Variants in AK8 observed in about 807,000 individuals in gnomAD.
The protein encoded by AK8 is ATP-AMP transphosphorylase 8.
In AK8, 44 loss-of-function variants were observed where a neutral mutation model predicts 54.6. The observed-to-expected ratio is 0.81, with a 90% CI of 0.63 to 1.04. The LOEUF is 1.04. Ranked by LOEUF, AK8 falls within the 50% of genes least tolerant of loss-of-function variation. The probability of loss-of-function intolerance (pLI) is 0.00; values close to 1 mark genes in which losing one functional copy is unlikely to be tolerated. For missense variants in AK8, 555 were observed against 613.6 expected, an observed-to-expected ratio of 0.90 and a Z score of 1.01; for synonymous variants, 239 against 245.6, an observed-to-expected ratio of 0.97 and a Z score of 0.25.
At chr9:132,768,054 G>T (rs1443360981) in intron 11 of AK8, among the ~76,000 whole-genome samples, 1 of 152,046 alleles carries the variant, frequency 6.6e-6, no homozygotes, top group African/African-American at 2.4e-5. Context: ...GGGGGACTAT[G>T]GTTAACAATA....
intron 1 of AK8, 82 bp from the exon 2 acceptor site, chr9:132,875,281 T>C (rs1844044168): frequency 1.0e-5 from 16 of 1,560,962 alleles, no homozygotes; most frequent in Non-Finnish European, 1.4e-5. Context: ...TGGGGCCTGC[T>C]CTCTCCACTG....
intron 5 of AK8, among the ~76,000 whole-genome samples, chr9:132,836,943 A>G (rs1463994915): frequency 6.6e-6 from 1 of 152,258 alleles, no homozygotes; most frequent in Admixed American, 6.5e-5. Context: ...GGCAGATAGC[A>G]GGTGCTTAAT....
At chr9:132,823,676 C>T (rs892642423) in intron 8 of AK8, among the ~76,000 whole-genome samples, 1 of 152,214 alleles carries the variant, frequency 6.6e-6, no homozygotes, top group African/African-American at 2.4e-5. Flanking sequence ...GGTCCCAGGA[C>T]ATGATAGCAC....
intron 11 of AK8, among the ~76,000 whole-genome samples, chr9:132,735,784 C>T (rs563578963): frequency 5.9e-5 from 9 of 152,276 alleles, no homozygotes; most frequent in African/African-American, 2.2e-4. Flanking sequence ...CAGCATGATT[C>T]GCAACAGCCA....
At chr9:132,774,718 G>C (rs1839133394) in intron 11 of AK8, among the ~76,000 whole-genome samples, 1 of 152,142 alleles carries the variant, frequency 6.6e-6, no homozygotes, top group East Asian at 1.9e-4. Context: ...ATCAGAGCTC[G>C]ATTCAAATGC....
intron 9 of AK8, among the ~76,000 whole-genome samples, chr9:132,814,964 A>G (rs1045090879): frequency 6.6e-6 from 1 of 152,276 alleles, no homozygotes; most frequent in African/African-American, 2.4e-5. Flanking sequence ...CAAAGAACAC[A>G]TTAAAAATGG....
intron 4 of AK8, among the ~76,000 whole-genome samples, chr9:132,859,868 G>A (rs1235426094): frequency 1.3e-5 from 2 of 152,266 alleles, no homozygotes; most frequent in East Asian, 3.9e-4. Context: ...TCAGGGGAAC[G>A]GGCCTGTGGA....
intron 11 of AK8, among the ~76,000 whole-genome samples, chr9:132,752,404 C>A (rs1355136712): frequency 6.6e-6 from 1 of 151,958 alleles, no homozygotes; most frequent in Non-Finnish European, 1.5e-5. Flanking sequence ...CGCCCGCCAC[C>A]ACGCCTGGCT....
At chr9:132,856,925 A>G (rs760538332) in intron 4 of AK8, among the ~76,000 whole-genome samples, 60 of 152,218 alleles carry the variant, frequency 3.9e-4, no homozygotes, top group South Asian at 2.1e-4. Context: ...AACTGGATGA[A>G]TATGTTCACT....
chr9:132,878,773 C>A, upstream of AK8: 1 of 985,662 alleles, frequency 1.0e-6, no homozygotes, highest in Non-Finnish European at 1.2e-6. The surrounding 1 kb of genome is among the most constrained non-coding windows in gnomAD (Gnocchi z 4.7). Flanking sequence ...TAGAGTCGAG[C>A]CCCGGTAGAC....
intron 5 of AK8, among the ~76,000 whole-genome samples, chr9:132,836,746 C>T (rs188970631): frequency 1.3e-5 from 2 of 152,324 alleles, no homozygotes; most frequent in East Asian, 3.9e-4. Flanking sequence ...GGATTCACCC[C>T]AAGGTGGGCT....
intron 11 of AK8, among the ~76,000 whole-genome samples, chr9:132,734,813 T>C (rs1179884663): frequency 6.6e-6 from 1 of 152,148 alleles, no homozygotes; most frequent in Non-Finnish European, 1.5e-5. Context: ...ACGGATCACC[T>C]GAGGTCAAGA....
At chr9:132,859,193 C>T (rs1269901143) in intron 4 of AK8, among the ~76,000 whole-genome samples, 1 of 152,122 alleles carries the variant, frequency 6.6e-6, no homozygotes, top group East Asian at 1.9e-4. Context: ...TCCTAGAAAT[C>T]CTCAGAACTA....
At position 132,799,303 on chromosome 9, in the gene AK8, T is replaced by C. The variant is rs1840331260; in HGVS notation, c.980-6528A>G. ...TGGCATATAAAGATAGGACAAAAAG[T>C]GGAGAGAAGGAAATAGCTCCTTCAG... On this transcript the variant is annotated intron_variant, in intron 10 of 12. Transcript: ENST00000298545. This position sits in a 1 kb window ranked among gnomAD's most constrained non-coding sequence, Gnocchi z 5.0. Among the ~76,000 whole-genome samples the C allele has an allele frequency of 6.6e-6, 1 of 152,002 alleles. No homozygotes were observed. The highest frequency in any genetic ancestry group is 2.4e-5 in the African/African-American group (1 of 41,364).
chr9:132,746,733 C>G (rs1837671344), intron 11 of AK8, among the ~76,000 whole-genome samples: 1 of 152,146 alleles, frequency 6.6e-6, no homozygotes, highest in African/African-American at 2.4e-5. Flanking sequence ...CTTACGGAGG[C>G]AGCAAAATAG....
At chr9:132,785,703 G>GA (rs34753180) in intron 11 of AK8, among the ~76,000 whole-genome samples, 81,250 of 152,140 alleles carry the variant, frequency 0.53, 24,330 homozygotes, top group East Asian at 0.81. Context: ...TCAGATTGAA[G>GA]AAAAAATATC....
intron 11 of AK8, among the ~76,000 whole-genome samples, chr9:132,785,801 G>A (rs530735244): frequency 5.2e-4 from 79 of 152,274 alleles, no homozygotes; most frequent in African/African-American, 1.9e-3. Flanking sequence ...TTTTAGTTGT[G>A]TCATCAACAA....
chr9:132,835,002 TG>T (rs766987495), intron 5 of AK8, among the ~76,000 whole-genome samples: 1 of 152,046 alleles, frequency 6.6e-6, no homozygotes, highest in Non-Finnish European at 1.5e-5. Flanking sequence ...CCCAAGTAGC[TG>T]GGACTACAGG....
chr9:132,761,994 C>T (rs1337493484), intron 11 of AK8, among the ~76,000 whole-genome samples: 4 of 152,090 alleles, frequency 2.6e-5, no homozygotes, highest in Non-Finnish European at 5.9e-5. Flanking sequence ...CTCAGCCTCC[C>T]GAGTAGCTGA....
Sources: gnomAD v4.1 joint callset for allele counts (sites outside exome capture counted in the v4.1 genomes callset) on GRCh38, gnomAD v4.1.1 for gene constraint, Gnocchi (gnomAD v3.1) non-coding constraint, MANE v1.5 for transcripts, NCBI Gene and HGNC (gene_info 2026-07-23, HGNC 2026-07-21) for gene names.